The following PCBP3 variants were observed in gnomAD, a reference collection of about 807,000 sequenced individuals.
PCBP3 encodes poly(rC)-binding protein 3.
A neutral mutation model predicts 52.7 loss-of-function variants in PCBP3; 25 were observed. That is an observed-to-expected ratio of 0.47 (90% confidence interval 0.35 to 0.66). The LOEUF (loss-of-function observed/expected upper bound fraction) is 0.66, where lower values mean the gene tolerates loss of function less well. PCBP3 is among the 30% of genes least tolerant of loss of function. PCBP3 has a pLI of 0.01. For missense variants in PCBP3, 391 were observed against 490.3 expected, an observed-to-expected ratio of 0.80 and a Z score of 1.91; for synonymous variants, 162 against 183.0, an observed-to-expected ratio of 0.89 and a Z score of 0.93.
At chr21:45,892,121 G>A (rs775755267) in intron 5 of PCBP3, among the ~76,000 whole-genome samples, 3 of 152,186 alleles carry the variant, frequency 2.0e-5, no homozygotes, top group Non-Finnish European at 4.4e-5. Context: ...CCTCGGGCAG[G>A]CAGAGGCGGA....
intron 1 of PCBP3, among the ~76,000 whole-genome samples, chr21:45,652,773 C>T (rs1307232159): frequency 1.3e-5 from 2 of 152,096 alleles, no homozygotes; most frequent in African/African-American, 4.8e-5. Context: ...GGAGTTTTTG[C>T]ATTTGTGCCT....
At chr21:45,941,296 G>A (rs2077444059) in intron 17 of PCBP3, among the ~76,000 whole-genome samples, 1 of 152,188 alleles carries the variant, frequency 6.6e-6, no homozygotes, top group Non-Finnish European at 1.5e-5. Flanking sequence ...CTTGGGGCCA[G>A]ATGGCTCTTA....
At chr21:45,857,967 C>A (rs145353073) in intron 5 of PCBP3, among the ~76,000 whole-genome samples, 6 of 152,150 alleles carry the variant, frequency 3.9e-5, no homozygotes, top group Non-Finnish European at 1.5e-5. Flanking sequence ...TTGCCTCCCC[C>A]CACAGCCAAG....
chr21:45,868,025 G>T lies in PCBP3; in HGVS notation c.10+17930G>T, dbSNP rs559372447. Among the ~76,000 whole-genome samples the T allele has an allele frequency of 2.0e-5, 3 of 152,386 alleles. No individual in the cohort carries two copies. The South Asian group carries it at 6.2e-4, about 32-fold the overall frequency. ...GGCCACAGGAGGCTGGCAGCCAGGG[G>T]GTCTGGCACCTCACTCGGAGGCGCA... On this transcript the variant is annotated intron_variant, in intron 5 of 17. Transcript: ENST00000681687.
intron 3 of PCBP3, among the ~76,000 whole-genome samples, chr21:45,753,169 A>G (rs2087706306): frequency 2.7e-5 from 4 of 148,676 alleles, no homozygotes; most frequent in South Asian, 2.1e-4. Flanking sequence ...TGTTTCTCCA[A>G]CTGATACATC....
At chr21:45,861,040 G>C (rs1356566239) in intron 5 of PCBP3, among the ~76,000 whole-genome samples, 1 of 152,156 alleles carries the variant, frequency 6.6e-6, no homozygotes, top group African/African-American at 2.4e-5. Context: ...CCTGGGCCCT[G>C]TGGAGGCCCC....
chr21:45,702,401 A>G (rs1265938067), intron 2 of PCBP3, among the ~76,000 whole-genome samples: 1 of 152,234 alleles, frequency 6.6e-6, no homozygotes, highest in South Asian at 2.1e-4. Context: ...AACATCAGGT[A>G]TAGGCAAATC....
rs114609177 is a variant in PCBP3, at chr21:45,654,160, A to G, written c.-279+10292A>G. ...TATTATTACTGGTAACATTAACAGT[A>G]TTGTATTAACAGTAATATTAACAGT... On this transcript the variant is annotated intron_variant, in intron 1 of 17. Coordinates refer to ENST00000681687, the MANE Select transcript of PCBP3 (RefSeq NM_001384156.1). Among the ~76,000 whole-genome samples the G allele has an allele frequency of 3.0e-3, 464 of 152,230 alleles. 4 individuals carry two copies. The highest frequency in any genetic ancestry group is 0.011 in the African/African-American group (446 of 41,558).
intron 4 of PCBP3, chr21:45,761,168 C>G (rs529733847): frequency 6.6e-6 from 1 of 152,038 alleles, no homozygotes; most frequent in Non-Finnish European, 1.5e-5. Context: ...TTTCAGGGCT[C>G]TCTCCTCAGC....
At chr21:45,874,483 C>T (rs906109723) in intron 5 of PCBP3, among the ~76,000 whole-genome samples, 3 of 150,950 alleles carry the variant, frequency 2.0e-5, no homozygotes, top group African/African-American at 7.3e-5. Context: ...TGGCCTTATA[C>T]ATGGTATCTT....
Position 45,817,708 on chromosome 21 carries a change from C to A in PCBP3, c.-125-32253C>A, listed in dbSNP as rs1389090081. Among the ~76,000 whole-genome samples the A allele has an allele frequency of 2.6e-5, 4 of 152,230 alleles. No individual in the cohort carries two copies. Among genetic ancestry groups the A allele is most frequent in the African/African-American group, 7.2e-5 (3 of 41,458 alleles). On this transcript the variant is annotated intron_variant, in intron 4 of 17. Transcript: ENST00000681687. This position sits in a 1 kb window ranked among gnomAD's most constrained non-coding sequence, Gnocchi z 4.3. ...TGCACCCTGCTGTGCAATGCTCGAA[C>A]ACACTTGCTTCTTATTTCTGTCCAA...
intron 2 of PCBP3, among the ~76,000 whole-genome samples, chr21:45,697,293 A>G (rs2082839885): frequency 6.6e-6 from 1 of 152,266 alleles, no homozygotes; most frequent in Non-Finnish European, 1.5e-5. Flanking sequence ...ATTATGGAAC[A>G]TATGTACATT....
At chr21:45,908,659 G>A (rs968628741) in intron 9 of PCBP3, among the ~76,000 whole-genome samples, 3 of 150,980 alleles carry the variant, frequency 2.0e-5, no homozygotes, top group South Asian at 2.1e-4. Flanking sequence ...CCTCTGCCGC[G>A]CTGTCTGCCA....
intron 4 of PCBP3, among the ~76,000 whole-genome samples, chr21:45,759,397 T>A (rs939128191): frequency 6.6e-6 from 1 of 151,734 alleles, no homozygotes; most frequent in African/African-American, 2.4e-5. Context: ...TTTGATATCA[T>A]CCGGAACAGC....
In PCBP3 at chr21:45,917,898, G is replaced by A. The variant is rs1225529361; in HGVS notation, c.717+269G>A. ...TTTTCCTCCCTCCCACGGGGCCTGG[G>A]AGGGAACTGAGACGGGCTCTGTCCC... On this transcript the variant is annotated intron_variant, in intron 13 of 17. Coordinates refer to ENST00000681687, the MANE Select transcript of PCBP3 (RefSeq NM_001384156.1). The surrounding 1 kb of genome is among the most constrained non-coding windows in gnomAD (Gnocchi z 5.3). 3 of 496,596 alleles carry A rather than the reference G, an allele frequency of 6.0e-6. No individual in the cohort carries two copies. The Admixed American group carries it at 8.4e-5, about 14-fold the overall frequency. The allele number at this position is 496,596 out of a possible 1,614,324, so 30.8% of individuals were successfully genotyped here.
intron 9 of PCBP3, among the ~76,000 whole-genome samples, chr21:45,908,425 C>T (rs1462022185): frequency 6.6e-6 from 1 of 152,254 alleles, no homozygotes; most frequent in African/African-American, 2.4e-5. Context: ...GGACACCATC[C>T]TATTTCCTTG....
chr21:45,932,426 CAT>C, intron 15 of PCBP3, among the ~76,000 whole-genome samples: 1 of 151,988 alleles, frequency 6.6e-6, no homozygotes, highest in South Asian at 2.1e-4. Context: ...TGAATGAACA[CAT>C]CGGCCATGCT....
At position 45,656,646 on chromosome 21, in the gene PCBP3, T is replaced by TA. The variant is rs1014105686; in HGVS notation, c.-278-12220dup. Among the ~76,000 whole-genome samples, 10 of 151,680 alleles carry TA rather than the reference T, an allele frequency of 6.6e-5. No individual in the cohort carries two copies. Among genetic ancestry groups the TA allele is most frequent in the Admixed American group, 2.0e-4 (3 of 15,210 alleles). ...TTCCAGAACTTAAAGTATAATAAAT[T>TA]AAAAAAAATAGCTGAAAACAAAAAC... On this transcript the variant is annotated intron_variant, in intron 1 of 17. Transcript: ENST00000681687. The surrounding 1 kb of genome is among the most constrained non-coding windows in gnomAD (Gnocchi z 4.3).
At chr21:45,648,529 A>G (rs2079474015) in intron 1 of PCBP3, among the ~76,000 whole-genome samples, 1 of 152,212 alleles carries the variant, frequency 6.6e-6, no homozygotes, top group Non-Finnish European at 1.5e-5. Context: ...TGTGTTGGAC[A>G]CTTGAGAAAG....
Sources: allele counts gnomAD v4.1 joint callset (sites outside exome capture counted in the v4.1 genomes callset), GRCh38; gene constraint gnomAD v4.1.1; non-coding constraint Gnocchi (gnomAD v3.1); transcripts MANE v1.5; gene names NCBI Gene and HGNC (gene_info 2026-07-23, HGNC 2026-07-21).